TGM4: variants seen among roughly 807,000 people sequenced by gnomAD.
TGM4 encodes transglutaminase 4.
Under a neutral mutation model 76.3 loss-of-function variants are expected in TGM4, and 61 were observed. The ratio of observed to expected loss-of-function variants is 0.80; its 90% CI spans 0.65 to 0.99. TGM4 has a LOEUF of 0.99. TGM4 is among the 50% of genes least tolerant of loss of function. The pLI, the probability that TGM4 is intolerant of heterozygous loss-of-function variation, is 0.00. For missense variants in TGM4, 794 were observed against 843.2 expected (o/e 0.94, Z 0.72); for synonymous variants, 337 against 329.8 (o/e 1.02, Z -0.24).
intron 1 of TGM4, among the ~76,000 whole-genome samples, chr3:44,878,282 T>A (rs1699476584): frequency 6.6e-6 from 1 of 151,734 alleles, no homozygotes; most frequent in South Asian, 2.1e-4. Flanking sequence ...AGGCGCAGAA[T>A]AGTGTATTGA....
chr3:44,903,059 A>G (rs1699875621), intron 8 of TGM4, among the ~76,000 whole-genome samples: 2 of 152,226 alleles, frequency 1.3e-5, no homozygotes, highest in Non-Finnish European at 2.9e-5. Flanking sequence ...TTATTTGTAG[A>G]TGATATACAG....
At chr3:44,908,394 T>C (rs1478867191) in intron 10 of TGM4, among the ~76,000 whole-genome samples, 1 of 149,382 alleles carries the variant, frequency 6.7e-6, no homozygotes, top group Non-Finnish European at 1.5e-5. Context: ...GTTTTTGTTT[T>C]TTTTGTTTTT....
chr3:44,904,495 C>T (rs1283121279), intron 9 of TGM4, among the ~76,000 whole-genome samples: 1 of 152,034 alleles, frequency 6.6e-6, no homozygotes. Context: ...GCTGGAAGGA[C>T]CTTGCCGGGG....
chr3:44,891,380 G>A (rs1699694251), intron 4 of TGM4, among the ~76,000 whole-genome samples: 1 of 151,192 alleles, frequency 6.6e-6, no homozygotes, highest in Non-Finnish European at 1.5e-5. Context: ...ACTTGTATTT[G>A]GAAATGATTT....
At position 44,903,871 on chromosome 3, in the gene TGM4, C is replaced by T. The variant is rs375144550; in HGVS notation, c.972-13C>T. On this transcript the variant is annotated splice_polypyrimidine_tract_variant and intron_variant, in intron 8 of 13. Transcript: ENST00000296125. ...GGTGGTCCGGGGTGGGGCCCGTTCC[C>T]AATTTGCGGCAGGAATTTCCATGTG... 4.3e-6 allele frequency: 7 copies of T among 1,613,644 alleles called. No individual in the cohort carries two copies. The highest frequency in any genetic ancestry group is 4.0e-5 in the African/African-American group (3 of 74,910).
At chr3:44,896,868 GC>G (rs1249551955) in intron 6 of TGM4, 52 bp downstream of exon 6, 1 of 1,512,290 alleles carries the variant, frequency 6.6e-7, no homozygotes, top group South Asian at 1.1e-5. Flanking sequence ...CAATTGCTCA[GC>G]CTTTTTCTGT....
chr3:44,890,544 G>A, intron 3 of TGM4, 59 bp from the exon 4 acceptor site: 3 of 1,590,112 alleles, frequency 1.9e-6, no homozygotes, highest in Non-Finnish European at 2.6e-6. Flanking sequence ...GGAAGCATTT[G>A]TAAGATTTGG....
chr3:44,905,955 G>A (rs572367955), intron 9 of TGM4, among the ~76,000 whole-genome samples: 10 of 152,308 alleles, frequency 6.6e-5, no homozygotes, highest in South Asian at 2.1e-4. Context: ...AGTGAGTAGC[G>A]CAGTGCCACT....
At chr3:44,884,137 C>A (rs1351568838) in intron 1 of TGM4, among the ~76,000 whole-genome samples, 1 of 152,200 alleles carries the variant, frequency 6.6e-6, no homozygotes, top group Non-Finnish European at 1.5e-5. Flanking sequence ...TTTTACCATG[C>A]CCTCTGCACA....
chr3:44,888,200 T>C (rs762836941), intron 3 of TGM4: 17 of 189,544 alleles, frequency 9.0e-5, no homozygotes, highest in Non-Finnish European at 1.7e-4. Context: ...CAAGACCTAA[T>C]GGATGTTTTC....
At chr3:44,896,421 ATTTGACTTGATTACAAAGGAAT>A (rs1166322388) in intron 5 of TGM4, among the ~76,000 whole-genome samples, 1 of 152,094 alleles carries the variant, frequency 6.6e-6, no homozygotes, top group Admixed American at 6.6e-5. Context: ...TGTTTCATTT[ATTTGACTTGATTACAAAGGAAT>A]TTTCCCCATG....
chr3:44,881,359 G>T (rs959962933), intron 1 of TGM4, among the ~76,000 whole-genome samples: 1 of 152,176 alleles, frequency 6.6e-6, no homozygotes, highest in East Asian at 1.9e-4. Context: ...GAAGGAAATT[G>T]TATTAGTTTA....
chr3:44,913,474 A>G, intron 13 of TGM4, 110 bp from the exon 14 acceptor site: 1 of 1,411,534 alleles, frequency 7.1e-7, no homozygotes, highest in Non-Finnish European at 9.5e-7. Context: ...GGACTTTTCA[A>G]AGAGGCTGAG....
Position 44,901,907 on chromosome 3 carries a change from C to A in TGM4, c.947C>A (p.Thr316Asn), listed in dbSNP as rs142655195. 9.8e-4 allele frequency: 1,586 copies of A among 1,613,228 alleles called. 48 individuals carry two copies. The East Asian group carries it at 0.034, about 34-fold the overall frequency. Residue 316 changes from threonine (T) to asparagine (N), a missense_variant, in exon 8 of 14, where the codon ACC (threonine) becomes AAC (asparagine). Physicochemically the swap from Thr to Asn is moderately conservative, Grantham distance 65. Coordinates refer to ENST00000296125, the MANE Select transcript of TGM4 (RefSeq NM_003241.4). ...TYVNENGEKI[T>N]SMTHDSVWNF... ...GTGAATGAGAATGGCGAGAAAATCA[C>A]CAGTATGACCCACGACTCTGTCTGG...
chr3:44,910,236 G>T lies in TGM4; in HGVS notation c.1474G>T (p.Val492Leu), dbSNP rs150539887. ...GCTGGGAAACTCTGTTAATTTCACCGTGATTCTTAAAAGGAAGACCGCTGC... is the reference window on the plus strand; with the variant it reads ...GCTGGGAAACTCTGTTAATTTCACCTTGATTCTTAAAAGGAAGACCGCTGC... ...VLLGNSVNFT[V>L]ILKRKTAALQ... Residue 492 changes from valine to leucine, a missense_variant, in exon 11 of 14, where the codon GTG (valine) becomes TTG (leucine). By Grantham distance (32) the Val-to-Leu change is conservative. Transcript: ENST00000296125. 6.2e-7 allele frequency: 1 copy of T among 1,614,170 alleles called. No homozygotes were observed. The highest frequency in any genetic ancestry group is 1.7e-5 in the Admixed American group (1 of 60,014).
chr3:44,911,508 G>T (rs1700005482), intron 13 of TGM4, 102 bp downstream of exon 13: 1 of 1,387,048 alleles, frequency 7.2e-7, no homozygotes, highest in Admixed American at 2.2e-5. Flanking sequence ...GGGTCACAGG[G>T]TCAAAATGTA....
intron 9 of TGM4, among the ~76,000 whole-genome samples, chr3:44,904,567 G>C (rs1388039392): frequency 6.6e-6 from 1 of 152,222 alleles, no homozygotes; most frequent in Admixed American, 6.5e-5. Flanking sequence ...AGGTTACTTG[G>C]AAAATCTGTG....
intron 1 of TGM4, among the ~76,000 whole-genome samples, chr3:44,880,228 A>C (rs1042030975): frequency 3.9e-5 from 6 of 152,186 alleles, no homozygotes; most frequent in African/African-American, 1.4e-4. Context: ...CTTGAGTGTG[A>C]CTTTATCTGT....
chr3:44,880,866 A>G (rs947263500), intron 1 of TGM4, among the ~76,000 whole-genome samples: 8 of 152,242 alleles, frequency 5.3e-5, no homozygotes, highest in African/African-American at 1.7e-4. Flanking sequence ...CAACCTAACC[A>G]GAATAACACA....
Sources: gnomAD v4.1 joint callset for allele counts (sites outside exome capture counted in the v4.1 genomes callset) on GRCh38, gnomAD v4.1.1 for gene constraint, MANE v1.5 for transcripts, NCBI Gene and HGNC (gene_info 2026-07-23, HGNC 2026-07-21) for gene names.